PGLYRP2: variants seen among roughly 807,000 people sequenced by gnomAD.
PGLYRP2 encodes N-acetylmuramoyl-L-alanine amidase.
A neutral mutation model predicts 46.2 loss-of-function variants in PGLYRP2; 38 were observed. The observed-to-expected ratio is 0.82, with a 90% CI of 0.64 to 1.08. The LOEUF is 1.08. PGLYRP2 is among the 50% of genes least tolerant of loss of function. PGLYRP2 has a pLI of 0.00. For synonymous variants in PGLYRP2, 289 were observed against 329.4 expected (o/e 0.88, Z 1.33); for missense variants, 713 against 755.9 (o/e 0.94, Z 0.67).
Position 15,476,185 on chromosome 19 carries a change from G to A in PGLYRP2, c.485C>T (p.Ala162Val). The change falls in exon 2 of 5, where the codon GCT becomes GTT. Residue 162 changes from alanine to valine, a missense_variant. Physicochemically the swap from Ala to Val is moderately conservative, Grantham distance 64. Coordinates refer to ENST00000340880, the MANE Select transcript of PGLYRP2 (RefSeq NM_052890.4). ...GDTFPDVVAIAPDVRATSSPG... is the reference protein window; with the variant it reads ...GDTFPDVVAIVPDVRATSSPG... ...GGAGGAGGTGGCTCTTACATCTGGAGCAATGGCCACAACATCTGGAAAGGT... is the reference window on the plus strand; with the variant it reads ...GGAGGAGGTGGCTCTTACATCTGGAACAATGGCCACAACATCTGGAAAGGT... 4 of 1,614,196 alleles carry A rather than the reference G, an allele frequency of 2.5e-6. No individual in the cohort carries two copies. The highest frequency in any genetic ancestry group is 3.4e-6 in the Non-Finnish European group (4 of 1,180,038).
rs752019201 is a variant in PGLYRP2 at position 15,468,652 on chromosome 19, C to T, written c.*11G>A. On this transcript the variant is annotated 3_prime_UTR_variant, in exon 5 of 5. Coordinates refer to ENST00000340880, the MANE Select transcript of PGLYRP2 (RefSeq NM_052890.4). ...TGATGCATGAACAGAGACTTTGTTT[C>T]CATGCTGTCTTTATTGGAGGTCTGT... 3.1e-6 allele frequency: 5 copies of T among 1,604,906 alleles called. No homozygotes were observed. The highest frequency in any genetic ancestry group is 3.4e-6 in the Non-Finnish European group (4 of 1,175,706).
chr19:15,474,074 G>T (rs148071029), intron 2 of PGLYRP2, among the ~76,000 whole-genome samples: 1 of 152,132 alleles, frequency 6.6e-6, no homozygotes, highest in Non-Finnish European at 1.5e-5. Context: ...GATGGCTCAC[G>T]ACTGTAACCC....
intron 3 of PGLYRP2, among the ~76,000 whole-genome samples, chr19:15,470,806 G>A (rs944345011): frequency 7.4e-5 from 11 of 148,344 alleles, no homozygotes; most frequent in African/African-American, 2.5e-4. Flanking sequence ...CACCACGCCC[G>A]GCTAATTTTG....
chr19:15,468,883 A>G, intron 4 of PGLYRP2, 131 bp from the exon 5 acceptor site: 1 of 633,362 alleles, frequency 1.6e-6, no homozygotes, highest in East Asian at 2.7e-5. Context: ...GACAAAGCCA[A>G]CTATAGGCCG....
In PGLYRP2 at chr19:15,469,689, G is replaced by A. The variant is rs1970725330; in HGVS notation, c.1584C>T (p.Thr528=). 6.5e-7 allele frequency: 1 copy of A among 1,527,872 alleles called. No homozygotes were observed. Among genetic ancestry groups the A allele is most frequent in the Non-Finnish European group, 8.7e-7 (1 of 1,143,130 alleles). 94.6% of individuals were successfully genotyped at this position (1,527,872 alleles called of 1,614,324 possible). A position where few individuals can be genotyped will look rare whatever the true frequency, so the allele number is the denominator to read the frequency against. The change falls in exon 4 of 5, where the codon ACC becomes ACT. Residue 528 remains threonine (T), a synonymous_variant. Coordinates refer to ENST00000340880, the MANE Select transcript of PGLYRP2 (RefSeq NM_052890.4). This position sits in a 1 kb window ranked among gnomAD's most constrained non-coding sequence, Gnocchi z 4.9. The stretch of plus-strand genomic sequence containing the variant: ...CGAAGAGCGCGTCGCCGGGGCAGTC[G>A]GTGCGCACCAGCTGGCGGTGGCCCA... ...ALLGHRQLVR[T]DCPGDALFDL... is the part of the protein sequence containing the mutation.
At chr19:15,471,713 C>T (rs915341477) in intron 3 of PGLYRP2, among the ~76,000 whole-genome samples, 177 bp downstream of exon 3, 1 of 152,304 alleles carries the variant, frequency 6.6e-6, no homozygotes, top group South Asian at 2.1e-4. Context: ...CCTATTAAGG[C>T]CCCGCCCCTA....
At chr19:15,478,381 A>T (rs988309453) in intron 1 of PGLYRP2, among the ~76,000 whole-genome samples, 17 of 152,186 alleles carry the variant, frequency 1.1e-4, no homozygotes, top group African/African-American at 4.1e-4. Flanking sequence ...TTTATTTCTC[A>T]TAGTTCTAGA....
rs997624985 is a variant in PGLYRP2 at position 15,476,448 on chromosome 19, C to T, written c.222G>A (p.Trp74Ter). The change falls in exon 2 of 5, where the codon TGG (tryptophan) becomes TGA (stop). Residue 74 changes from tryptophan (W) to a stop codon, truncating the protein, a stop_gained. Transcript: ENST00000340880. LOFTEE classifies it high-confidence loss of function. ...GATCCAACTCTGTAGCATTGAGGCTCCATGCCCCCAGCAGGAAGTGGTAGA... is the reference window on the plus strand; with the variant it reads ...GATCCAACTCTGTAGCATTGAGGCTTCATGCCCCCAGCAGGAAGTGGTAGA... ...NRLYHFLLGA[W>*]SLNATELDPC... 2.5e-6 allele frequency: 4 copies of T among 1,614,042 alleles called. No individual in the cohort carries two copies. The highest frequency in any genetic ancestry group is 3.3e-5 in the Admixed American group (2 of 59,984).
intron 2 of PGLYRP2, among the ~76,000 whole-genome samples, chr19:15,473,930 T>C (rs1745205256): frequency 6.6e-6 from 1 of 152,086 alleles, no homozygotes; most frequent in Non-Finnish European, 1.5e-5. Context: ...AAAGAAGATA[T>C]ACACATGGCC....
At chr19:15,473,434 C>T (rs566222281) in intron 2 of PGLYRP2, among the ~76,000 whole-genome samples, 66 of 118,340 alleles carry the variant, frequency 5.6e-4, no homozygotes, top group Non-Finnish European at 6.0e-4. Context: ...CACATCTTTG[C>T]ACTCCAGCCT....
intron 1 of PGLYRP2, among the ~76,000 whole-genome samples, chr19:15,477,695 CATAAAATAAAATAA>C (rs1164104080): frequency 4.2e-5 from 3 of 70,718 alleles, no homozygotes; most frequent in Admixed American, 3.5e-4. Flanking sequence ...GAGACTCCAT[CATAAAATAAAATAA>C]ATAAAATAAA....
rs937628428 is a variant in PGLYRP2 at position 15,469,229 on chromosome 19, G to A, written c.1641+403C>T. On this transcript the variant is annotated intron_variant, in intron 4 of 4. Transcript: ENST00000340880. This position sits in a 1 kb window ranked among gnomAD's most constrained non-coding sequence, Gnocchi z 4.9. Reference sequence around the variant, plus strand: ...AGGGGCAGGGGTGAGGTCAAGGTTCGGCGGGCCAGGATGAGGTGGTGCAGC... The same window carrying A: ...AGGGGCAGGGGTGAGGTCAAGGTTCAGCGGGCCAGGATGAGGTGGTGCAGC... The A allele has an allele frequency of 3.0e-5, 18 of 596,082 alleles. No individual in the cohort carries two copies. The South Asian group carries it at 3.0e-4, about 10-fold the overall frequency. 36.9% of individuals were successfully genotyped at this position (596,082 alleles called of 1,614,324 possible). A position where few individuals can be genotyped will look rare whatever the true frequency, so the allele number is the denominator to read the frequency against.
intron 2 of PGLYRP2, among the ~76,000 whole-genome samples, chr19:15,474,980 C>CAA (rs34586297): frequency 0.035 from 4,345 of 125,026 alleles, 221 homozygotes; most frequent in African/African-American, 0.12. Flanking sequence ...GAGAGAGACT[C>CAA]AAAAAAAAAA....
chr19:15,470,241 T>TTTCCTTTCTTCCTTCC (rs1357809571), intron 3 of PGLYRP2, among the ~76,000 whole-genome samples: 2 of 100,002 alleles, frequency 2.0e-5, no homozygotes, highest in East Asian at 5.8e-4. Flanking sequence ...GTTTTTTTTC[T>TTTCCTTTCTTCCTTCC]TTCCTTCCTT....
Position 15,469,695 on chromosome 19 carries a change from C to G in PGLYRP2, c.1578G>C (p.Val526=). 6.6e-7 allele frequency: 1 copy of G among 1,525,244 alleles called. No individual in the cohort carries two copies. The highest frequency in any genetic ancestry group is 8.8e-7 in the Non-Finnish European group (1 of 1,141,934). 94.5% of individuals were successfully genotyped at this position (1,525,244 alleles called of 1,614,324 possible). ...DYALLGHRQL[V]RTDCPGDALF... ...GCGCGTCGCCGGGGCAGTCGGTGCG[C>G]ACCAGCTGGCGGTGGCCCAGCAGCG... Residue 526 remains valine, a synonymous_variant, in exon 4 of 5, where the codon GTG becomes GTC. Transcript: ENST00000340880. The surrounding 1 kb of genome is among the most constrained non-coding windows in gnomAD (Gnocchi z 4.9).
chr19:15,474,266 A>G (rs2145517899), intron 2 of PGLYRP2, among the ~76,000 whole-genome samples: 1 of 152,056 alleles, frequency 6.6e-6, no homozygotes, highest in East Asian at 1.9e-4. Context: ...GAACCCAGGA[A>G]GTGGAGGTTG....
chr19:15,475,185 G>T (rs1970782386), intron 2 of PGLYRP2, among the ~76,000 whole-genome samples: 1 of 151,940 alleles, frequency 6.6e-6, no homozygotes. Context: ...GAGAGAGGAG[G>T]GAGGATGATG....
Position 15,469,826 on chromosome 19 carries a change from C to T in PGLYRP2, c.1447G>A (p.Val483Met), listed in dbSNP as rs200967069. Residue 483 changes from valine to methionine, a missense_variant, in exon 4 of 5, where the codon GTG (valine) becomes ATG (methionine). Transcript: ENST00000340880. The surrounding 1 kb of genome is among the most constrained non-coding windows in gnomAD (Gnocchi z 4.9). The stretch of plus-strand genomic sequence containing the variant: ...GGCAGCGCCGCGGTGTAGTTGCCCA[C>T]TATGGCCACGCCGAAGCCCCGGGAG... The part of the protein sequence containing the change: ...HNSRGFGVAI[V>M]GNYTAALPTE... 1.8e-5 allele frequency: 28 copies of T among 1,529,282 alleles called. No homozygotes were observed. In the African/African-American group the frequency reaches 3.8e-4, roughly 21 times the overall value. The allele number at this position is 1,529,282 out of a possible 1,614,324, so 94.7% of individuals were successfully genotyped here. A position where few individuals can be genotyped will look rare whatever the true frequency, so the allele number is the denominator to read the frequency against.
intron 3 of PGLYRP2, among the ~76,000 whole-genome samples, chr19:15,470,680 T>C (rs1411231772): frequency 2.0e-5 from 3 of 151,276 alleles, no homozygotes; most frequent in Admixed American, 2.0e-4. Flanking sequence ...GTTTCGCTCT[T>C]GTAGCCCAGG....
Sources: allele counts gnomAD v4.1 joint callset (sites outside exome capture counted in the v4.1 genomes callset), GRCh38; gene constraint gnomAD v4.1.1; non-coding constraint Gnocchi (gnomAD v3.1); transcripts MANE v1.5; gene names NCBI Gene and HGNC (gene_info 2026-07-23, HGNC 2026-07-21).